Variants in CLASP1 observed in about 807,000 individuals in gnomAD.
CLASP1 encodes CLIP-associating protein 1.
Under a neutral mutation model 192.3 loss-of-function variants are expected in CLASP1, and 38 were observed. That is an observed-to-expected ratio of 0.20 (90% CI 0.15 to 0.26). The LOEUF (loss-of-function observed/expected upper bound fraction) is 0.26, where lower values mean the gene tolerates loss of function less well. Among genes scored for constraint, CLASP1 ranks in the 10% least tolerant of loss-of-function variants. CLASP1 has a pLI of 1.00. For missense variants in CLASP1, 1,433 were observed against 1,932.5 expected, an observed-to-expected ratio of 0.74 and a Z score of 4.85; for synonymous variants, 691 against 712.8, an observed-to-expected ratio of 0.97 and a Z score of 0.49.
chr2:121,427,466 A>T, intron 20 of CLASP1, 36 bp from the exon 21 acceptor site: 1 of 1,610,714 alleles, frequency 6.2e-7, no homozygotes, highest in Non-Finnish European at 8.5e-7. Context: ...ACAGGCAAAA[A>T]GTGGATTAAA....
chr2:121,639,261 A>G (rs1187787219), intron 1 of CLASP1, among the ~76,000 whole-genome samples: 1 of 151,980 alleles, frequency 6.6e-6, no homozygotes, highest in Non-Finnish European at 1.5e-5. Context: ...TGGGCGACAG[A>G]GCGAGACTCT....
In CLASP1 at chr2:121,375,761, T is replaced by G. The variant is rs1395278411; in HGVS notation, c.3642+1738A>C. Among the ~76,000 whole-genome samples the G allele has an allele frequency of 2.6e-5, 4 of 152,172 alleles. No individual in the cohort carries two copies. The South Asian group carries it at 8.3e-4, about 32-fold the overall frequency. On this transcript the variant is annotated intron_variant, in intron 34 of 39. Transcript: ENST00000263710. ...CCTGGATGCTGAGCAGTGGCCATACTCACTGCACCATGATCCTGTGCTTAT... is the reference window on the plus strand; with the variant it reads ...CCTGGATGCTGAGCAGTGGCCATACGCACTGCACCATGATCCTGTGCTTAT...
At chr2:121,387,624 A>T (rs2073539048) in intron 31 of CLASP1, 139 bp downstream of exon 32, 2 of 778,224 alleles carry the variant, frequency 2.6e-6, no homozygotes. Context: ...GGGGCTTAAG[A>T]TGGCCCCATC....
chr2:121,365,434 T>C, intron 35 of CLASP1, 150 bp from the exon 37 acceptor site: 1 of 750,694 alleles, frequency 1.3e-6, no homozygotes, highest in Non-Finnish European at 2.2e-6. Flanking sequence ...CCGCCCTGCT[T>C]CGCTGTCCGG....
intron 23 of CLASP1, 65 bp from the exon 25 acceptor site, chr2:121,411,034 GACT>G: frequency 9.9e-7 from 1 of 1,006,308 alleles, no homozygotes; most frequent in Non-Finnish European, 1.5e-6. Context: ...TCCTTGCAAG[GACT>G]ACTGCCTCTT....
chr2:121,374,905 A>C (rs1465642606), intron 34 of CLASP1, among the ~76,000 whole-genome samples: 4 of 152,106 alleles, frequency 2.6e-5, no homozygotes, highest in African/African-American at 9.7e-5. Context: ...CTCAGATTAG[A>C]CTTTGGACTT....
intron 7 of CLASP1, among the ~76,000 whole-genome samples, chr2:121,511,293 A>G (rs939008611): frequency 6.6e-6 from 1 of 152,146 alleles, no homozygotes; most frequent in Non-Finnish European, 1.5e-5. Flanking sequence ...AGAGAGGTTA[A>G]GAGAAAAGAG....
intron 30 of CLASP1, among the ~76,000 whole-genome samples, chr2:121,389,055 C>T (rs1198817199): frequency 6.6e-6 from 1 of 151,982 alleles, no homozygotes; most frequent in Admixed American, 6.5e-5. Context: ...TATTTTGTGC[C>T]TGGAGTAGGA....
intron 9 of CLASP1, among the ~76,000 whole-genome samples, chr2:121,464,642 C>T (rs2089083195): frequency 6.6e-6 from 1 of 152,118 alleles, no homozygotes; most frequent in South Asian, 2.1e-4. Context: ...GCATAAATGT[C>T]TTCTTTTGAG....
intron 2 of CLASP1, among the ~76,000 whole-genome samples, chr2:121,579,833 C>CA (rs1230097895): frequency 4.6e-5 from 7 of 151,768 alleles, no homozygotes; most frequent in Admixed American, 2.0e-4. Flanking sequence ...GCAAAAATAA[C>CA]AAAAAAAGAA....
chr2:121,574,561 G>A (rs376072017), intron 2 of CLASP1, among the ~76,000 whole-genome samples: 3 of 149,374 alleles, frequency 2.0e-5, no homozygotes, highest in Non-Finnish European at 3.0e-5. Flanking sequence ...CTTGAACCAG[G>A]GAAGTGGAGG....
intron 1 of CLASP1, among the ~76,000 whole-genome samples, chr2:121,617,692 T>C (rs1255730793): frequency 6.6e-6 from 1 of 152,244 alleles, no homozygotes; most frequent in Non-Finnish European, 1.5e-5. Flanking sequence ...TGCTTATGCC[T>C]TCTTGCTACT....
intron 2 of CLASP1, among the ~76,000 whole-genome samples, chr2:121,584,478 T>TA (rs1174133603): frequency 6.6e-6 from 1 of 152,166 alleles, no homozygotes; most frequent in East Asian, 1.9e-4. Context: ...ACCTGAAACT[T>TA]AGACATGATC....
chr2:121,471,178 G>A (rs2149981965), intron 8 of CLASP1, among the ~76,000 whole-genome samples: 1 of 152,264 alleles, frequency 6.6e-6, no homozygotes, highest in Non-Finnish European at 1.5e-5. Context: ...ATACTCAGAA[G>A]GCTGAGGCAG....
At chr2:121,532,042 G>A (rs2094906389) in intron 2 of CLASP1, among the ~76,000 whole-genome samples, 3 of 152,160 alleles carry the variant, frequency 2.0e-5, no homozygotes, top group Non-Finnish European at 4.4e-5. Context: ...ACAGGACGGG[G>A]CAACAGTTAG....
chr2:121,339,903 C>A (rs990020983), exon 40 of CLASP1: 1 of 152,162 alleles, frequency 6.6e-6, no homozygotes, highest in East Asian at 1.9e-4. Context: ...CATGTTAGAA[C>A]TGAACGGCTT....
chr2:121,490,354 T>G (rs1445561409), intron 8 of CLASP1: 1 of 440,680 alleles, frequency 2.3e-6, no homozygotes, highest in Non-Finnish European at 4.5e-6. Flanking sequence ...TCACAGCAAC[T>G]TAAGCATCAG....
chr2:121,575,467 A>T (rs1198749614), intron 2 of CLASP1, among the ~76,000 whole-genome samples: 1 of 152,236 alleles, frequency 6.6e-6, no homozygotes, highest in Non-Finnish European at 1.5e-5. Flanking sequence ...CTAATTGCTT[A>T]TAAGTAAAAG....
At chr2:121,535,710 G>A (rs767877827) in intron 2 of CLASP1, among the ~76,000 whole-genome samples, 12 of 151,476 alleles carry the variant, frequency 7.9e-5, no homozygotes, top group Admixed American at 3.3e-4. Flanking sequence ...GTGTAGTTGC[G>A]TGATTTCGGC....
Sources: allele counts gnomAD v4.1 joint callset (sites outside exome capture counted in the v4.1 genomes callset), GRCh38; gene constraint gnomAD v4.1.1; transcripts MANE v1.5; gene names NCBI Gene and HGNC (gene_info 2026-07-23, HGNC 2026-07-21).